Variants in TPCN1 observed in about 807,000 individuals in gnomAD.
TPCN1 encodes the protein two pore segment channel 1.
TPCN1 carries 52 observed loss-of-function variants against 108.8 expected under a neutral mutation model. The observed-to-expected ratio is 0.48, with a 90% CI of 0.38 to 0.60. The LOEUF is 0.60. Among genes scored for constraint, TPCN1 ranks in the 20% least tolerant of loss-of-function variants. The pLI is 0.00. For missense variants in TPCN1, 806 were observed against 1,072.8 expected (o/e 0.75, Z 3.47); for synonymous variants, 446 against 433.7 (o/e 1.03, Z -0.35).
chr12:113,248,147 C>T (rs371949061), intron 2 of TPCN1, among the ~76,000 whole-genome samples: 1 of 152,362 alleles, frequency 6.6e-6, no homozygotes, highest in South Asian at 2.1e-4. Flanking sequence ...CACTGCACCC[C>T]GGGTGGAGCC....
intron 2 of TPCN1, among the ~76,000 whole-genome samples, chr12:113,227,390 CTT>C (rs1163108387): frequency 6.6e-6 from 1 of 152,216 alleles, no homozygotes; most frequent in South Asian, 2.1e-4. Flanking sequence ...GCCCGCGTCT[CTT>C]TGCTCCATCT....
At position 113,272,211 on chromosome 12, in the gene TPCN1, G is replaced by A. The variant is rs559671778; in HGVS notation, c.749-447G>A. Among the ~76,000 whole-genome samples the A allele has an allele frequency of 6.6e-6, 1 of 152,320 alleles. No individual in the cohort carries two copies. The highest frequency in any genetic ancestry group is 2.1e-4 in the South Asian group (1 of 4,820). On this transcript the variant is annotated intron_variant, in intron 7 of 27. Coordinates refer to ENST00000335509, the MANE Select transcript of TPCN1 (RefSeq NM_017901.6). This position sits in a 1 kb window ranked among gnomAD's most constrained non-coding sequence, Gnocchi z 4.1. ...TGGTCCATTCCTGGAGGGAGGAAGT[G>A]AATGGCATTCCCACCCTGGGACCCT... is the stretch of plus-strand genomic sequence containing the variant.
intron 25 of TPCN1, chr12:113,292,370 G>T: frequency 4.8e-6 from 1 of 210,342 alleles, no homozygotes; most frequent in South Asian, 8.2e-5. Context: ...TATTGCTTAT[G>T]GCACAGGCGA....
At position 113,266,343 on chromosome 12, in the gene TPCN1, G is replaced by A. The variant is rs745600874; in HGVS notation, c.401G>A (p.Arg134Gln). 1.5e-5 allele frequency: 24 copies of A among 1,607,740 alleles called. No homozygotes were observed. In the East Asian group the frequency reaches 3.1e-4, roughly 21 times the overall value. Reference sequence around the variant, plus strand: ...GAGGCCCCCGCCGTCCCCGCACTCCGGCTTGGCATCTATGTGAGCGCACAT... The same window carrying A: ...GAGGCCCCCGCCGTCCCCGCACTCCAGCTTGGCATCTATGTGAGCGCACAT... ...LCEAPAVPALRLGIYVHATLE... is the reference protein window; with the variant it reads ...LCEAPAVPALQLGIYVHATLE... Residue 134 changes from arginine (R) to glutamine (Q), a missense_variant, in exon 4 of 28, where the codon CGG becomes CAG. By Grantham distance (43) the Arg-to-Gln change is conservative. Transcript: ENST00000335509. This position sits in a 1 kb window ranked among gnomAD's most constrained non-coding sequence, Gnocchi z 4.2.
intron 2 of TPCN1, among the ~76,000 whole-genome samples, chr12:113,259,166 G>A (rs1954929439): frequency 6.6e-6 from 1 of 151,996 alleles, no homozygotes; most frequent in Non-Finnish European, 1.5e-5. Flanking sequence ...TAGTAGAGTT[G>A]AGGTTTTGTC....
chr12:113,252,376 A>G (rs1388677048), intron 2 of TPCN1, among the ~76,000 whole-genome samples: 1 of 152,122 alleles, frequency 6.6e-6, no homozygotes, highest in Non-Finnish European at 1.5e-5. Flanking sequence ...GGAGGACCAG[A>G]CGTTGTCTCC....
At chr12:113,294,275 T>A (rs1956360077) in intron 27 of TPCN1, 1 of 152,028 alleles carries the variant, frequency 6.6e-6, no homozygotes, top group African/African-American at 2.4e-5. Context: ...AGCAGTGAGG[T>A]CTTGCTGGGG....
chr12:113,250,813 G>A (rs541216590), intron 2 of TPCN1, among the ~76,000 whole-genome samples: 17 of 151,966 alleles, frequency 1.1e-4, no homozygotes, highest in Non-Finnish European at 1.8e-4. Context: ...AAAATTAGCC[G>A]GGTGTGTTGG....
chr12:113,229,684 G>A (rs539077511), intron 2 of TPCN1, among the ~76,000 whole-genome samples: 1 of 152,098 alleles, frequency 6.6e-6, no homozygotes, highest in Non-Finnish European at 1.5e-5. Flanking sequence ...GGAGACGGGG[G>A]TTTTACCATG....
chr12:113,279,436 G>C (rs1955816307), intron 14 of TPCN1, among the ~76,000 whole-genome samples: 1 of 115,042 alleles, frequency 8.7e-6, no homozygotes, highest in Admixed American at 1.2e-4. Flanking sequence ...GTCTCGCTCT[G>C]TTGCCCAGGC....
At chr12:113,229,091 A>G in intron 2 of TPCN1, among the ~76,000 whole-genome samples, 1 of 152,214 alleles carries the variant, frequency 6.6e-6, no homozygotes, top group Non-Finnish European at 1.5e-5. Flanking sequence ...TGAATAGGAA[A>G]TAGGCCAGAG....
chr12:113,284,544 G>T lies in TPCN1; in HGVS notation c.1343-37G>T. On this transcript the variant is annotated intron_variant, in intron 15 of 27. Transcript: ENST00000335509. The surrounding 1 kb of genome is among the most constrained non-coding windows in gnomAD (Gnocchi z 4.1). Reference sequence around the variant, plus strand: ...GACCTGCAGATTTCTAAGCCCCCCTGTTATTTCTCTGTCTTTTACGGGCCT... The same window carrying T: ...GACCTGCAGATTTCTAAGCCCCCCTTTTATTTCTCTGTCTTTTACGGGCCT... 6.2e-7 allele frequency: 1 copy of T among 1,612,798 alleles called. No homozygotes were observed. The highest frequency in any genetic ancestry group is 2.2e-5 in the East Asian group (1 of 44,878).
chr12:113,295,949 C>T lies in TPCN1; in HGVS notation c.2335-11C>T, dbSNP rs756698543. The T allele has an allele frequency of 3.8e-6, 6 of 1,584,166 alleles. No individual in the cohort carries two copies. Among genetic ancestry groups the T allele is most frequent in the Non-Finnish European group, 5.1e-6 (6 of 1,165,724 alleles). On this transcript the variant is annotated splice_polypyrimidine_tract_variant and intron_variant, in intron 27 of 27. Coordinates refer to ENST00000335509, the MANE Select transcript of TPCN1 (RefSeq NM_017901.6). ...TGCAGCCCTCAGCACCCCTTCTGCT[C>T]TCTTCTCCAGGAGTGGTATGAGGAG...
intron 2 of TPCN1, among the ~76,000 whole-genome samples, chr12:113,240,492 G>A (rs1317696245): frequency 6.6e-6 from 1 of 152,182 alleles, no homozygotes; most frequent in Non-Finnish European, 1.5e-5. Flanking sequence ...TTTCTTCATT[G>A]TAAAATCAGT....
At chr12:113,291,588 G>C (rs765175789) in intron 23 of TPCN1, 21 bp from the exon 24 acceptor site, 2 of 1,608,610 alleles carry the variant, frequency 1.2e-6, no homozygotes, top group Non-Finnish European at 1.7e-6. Context: ...CCCCTCACTG[G>C]CTGCTTCCCT....
At chr12:113,261,836 G>A (rs1047513566) in intron 3 of TPCN1, among the ~76,000 whole-genome samples, 7 of 151,990 alleles carry the variant, frequency 4.6e-5, no homozygotes, top group Non-Finnish European at 7.3e-5. Flanking sequence ...CAATCTATAC[G>A]TAGCACCCCC....
chr12:113,221,847 C>CTCACGTGGGCTCCCAGCCA (rs1295227693), intron 1 of TPCN1, among the ~76,000 whole-genome samples: 1 of 152,198 alleles, frequency 6.6e-6, no homozygotes, highest in Non-Finnish European at 1.5e-5. Context: ...TAGGGCGACC[C>CTCACGTGGGCTCCCAGCCA]TCACGTGGGC....
At position 113,298,437 on chromosome 12, in the gene TPCN1, C is replaced by G. The variant is rs575791671; in HGVS notation, c.*2361C>G. On this transcript the variant is annotated 3_prime_UTR_variant, in exon 28 of 28. Transcript: ENST00000335509. ...GCTCCTCGCTTCCCCTCCCACAGCC[C>G]CAGCCTTACTCCACCATGCGGACAA... The G allele has an allele frequency of 1.3e-5, 2 of 152,476 alleles. No individual in the cohort carries two copies. The highest frequency in any genetic ancestry group is 1.3e-4 in the Admixed American group (2 of 15,306). The allele number at this position is 152,476 out of a possible 1,614,324, so 9.4% of individuals were successfully genotyped here.
intron 22 of TPCN1, 140 bp downstream of exon 22, chr12:113,290,383 G>T: frequency 1.5e-6 from 1 of 650,762 alleles, no homozygotes; most frequent in South Asian, 1.8e-5. Flanking sequence ...TGGAGGACTT[G>T]GTCTGCCCAG....
Sources: gnomAD v4.1 joint callset for allele counts (sites outside exome capture counted in the v4.1 genomes callset) on GRCh38, gnomAD v4.1.1 for gene constraint, Gnocchi (gnomAD v3.1) non-coding constraint, MANE v1.5 for transcripts, NCBI Gene and HGNC (gene_info 2026-07-23, HGNC 2026-07-21) for gene names.